The following TSEN2 variants were observed in gnomAD, a reference collection of about 807,000 sequenced individuals.
TSEN2 encodes tRNA-splicing endonuclease subunit Sen2.
Under a neutral mutation model 59.2 loss-of-function variants are expected in TSEN2, and 54 were observed. The observed-to-expected ratio is 0.91, with a 90% CI of 0.73 to 1.14. The LOEUF is 1.14. Among genes scored for constraint, TSEN2 ranks in the 50% most tolerant of loss-of-function variants. The probability of loss-of-function intolerance (pLI) is 0.00; values close to 1 mark genes in which losing one functional copy is unlikely to be tolerated. For synonymous variants in TSEN2, 195 were observed against 198.2 expected (o/e 0.98, Z 0.14); for missense variants, 636 against 576.2 (o/e 1.10, Z -1.06).
chr3:12,506,595 A>T, intron 6 of TSEN2: 1 of 652,268 alleles, frequency 1.5e-6, no homozygotes, highest in Non-Finnish European at 1.9e-6. Flanking sequence ...AAAAAAAAAA[A>T]GTGGCTAAAA....
Position 12,524,124 on chromosome 3 carries a change from G to C in TSEN2, c.1100-4764G>C, listed in dbSNP as rs955252901. Among the ~76,000 whole-genome samples, 3 of 151,972 alleles carry C rather than the reference G, an allele frequency of 2.0e-5. No homozygotes were observed. In the East Asian group the frequency reaches 5.8e-4, roughly 29 times the overall value. Reference sequence around the variant, plus strand: ...TTGGTTGTAATTTTTATAGAGATGGGGTCTTTCTGTGTTGCCCAAGCTGGG... The same window carrying C: ...TTGGTTGTAATTTTTATAGAGATGGCGTCTTTCTGTGTTGCCCAAGCTGGG... On this transcript the variant is annotated intron_variant, in intron 8 of 11. Transcript: ENST00000284995.
intron 6 of TSEN2, among the ~76,000 whole-genome samples, chr3:12,511,386 T>C (rs567154072): frequency 6.6e-6 from 1 of 152,246 alleles, no homozygotes; most frequent in Non-Finnish European, 1.5e-5. Flanking sequence ...AGATGGGATT[T>C]CAGGGTACAA....
chr3:12,537,609 C>T (rs2057704060), downstream of TSEN2, among the ~76,000 whole-genome samples: 1 of 152,140 alleles, frequency 6.6e-6, no homozygotes, highest in Non-Finnish European at 1.5e-5. Flanking sequence ...ATACTAGGTA[C>T]AGTTGGTCCC....
chr3:12,524,456 G>C (rs2056915651), intron 8 of TSEN2, among the ~76,000 whole-genome samples: 1 of 152,102 alleles, frequency 6.6e-6, no homozygotes, highest in African/African-American at 2.4e-5. Context: ...AGATTCTTGT[G>C]GCCCCAGGCG....
chr3:12,527,440 TTTC>T (rs1341737545), intron 8 of TSEN2, among the ~76,000 whole-genome samples: 2 of 151,778 alleles, frequency 1.3e-5, no homozygotes, highest in African/African-American at 2.4e-5. Flanking sequence ...TCCTTGAACT[TTTC>T]TTTTTTTTTT....
At chr3:12,538,137 G>A (rs778420786), downstream of TSEN2, among the ~76,000 whole-genome samples, 9 of 152,194 alleles carry the variant, frequency 5.9e-5, no homozygotes, top group Admixed American at 1.3e-4. Context: ...TCCCATTGAC[G>A]TTAACTGTGC....
intron 8 of TSEN2, among the ~76,000 whole-genome samples, chr3:12,525,835 G>A (rs1559356506): frequency 6.6e-6 from 1 of 151,866 alleles, no homozygotes; most frequent in Non-Finnish European, 1.5e-5. Context: ...AAAGTGCTGG[G>A]ATTACAGGTG....
At chr3:12,494,869 T>C (rs1319915686) in intron 3 of TSEN2, among the ~76,000 whole-genome samples, 2 of 151,440 alleles carry the variant, frequency 1.3e-5, no homozygotes, top group Non-Finnish European at 2.9e-5. Context: ...CTCACACCTG[T>C]AATCCCAGCA....
chr3:12,539,016 G>A, intron 10 of TSEN2: 2 of 348,912 alleles, frequency 5.7e-6, no homozygotes, highest in South Asian at 2.1e-5. Context: ...GGGCTCGTTT[G>A]TGCAAATAGA....
At chr3:12,496,990 T>C (rs1440586403) in intron 4 of TSEN2, among the ~76,000 whole-genome samples, 1 of 152,130 alleles carries the variant, frequency 6.6e-6, no homozygotes, top group African/African-American at 2.4e-5. Flanking sequence ...TCTCCCTGAC[T>C]CCCCAAACAC....
intron 4 of TSEN2, among the ~76,000 whole-genome samples, chr3:12,500,937 T>C (rs749417770): frequency 1.9e-4 from 29 of 152,244 alleles, no homozygotes; most frequent in Non-Finnish European, 3.1e-4. Flanking sequence ...ATTGACCCTT[T>C]AAATCAGTGG....
Position 12,516,680 on chromosome 3 carries a change from A to C in TSEN2, c.960+19A>C, listed in dbSNP as rs760750471. On this transcript the variant is annotated intron_variant, in intron 7 of 11. Coordinates refer to ENST00000284995, the MANE Select transcript of TSEN2 (RefSeq NM_025265.4). ...TGAGAAGGTAAGATGCTTTGTTTAC[A>C]TACAACCCACTTAAAATTTCCCTGT... 6.2e-7 allele frequency: 1 copy of C among 1,612,066 alleles called. No homozygotes were observed.
Position 12,529,828 on chromosome 3 carries a change from G to A in TSEN2, c.1203G>A (p.Trp401Ter). ...FEGSLRRPLS[W>*]KSLAALSRVS... ...GCTCTCTCCGCAGGCCTCTCAGTTG[G>A]AAGTCCCTGGCTGCCTTGAGCAGAG... The change falls in exon 10 of 12, where the codon TGG becomes TGA. Residue 401 changes from tryptophan to a stop codon, truncating the protein, a stop_gained. Transcript: ENST00000284995. LOFTEE classifies it high-confidence loss of function. 1 of 1,614,142 alleles carries A rather than the reference G, an allele frequency of 6.2e-7. No individual in the cohort carries two copies. Among genetic ancestry groups the A allele is most frequent in the Non-Finnish European group, 8.5e-7 (1 of 1,180,036 alleles).
At chr3:12,537,640 C>T (rs2057704911), downstream of TSEN2, among the ~76,000 whole-genome samples, 1 of 152,152 alleles carries the variant, frequency 6.6e-6, no homozygotes, top group Non-Finnish European at 1.5e-5. Context: ...CTGGGGTTGT[C>T]CTCTTGACCA....
downstream of TSEN2, among the ~76,000 whole-genome samples, chr3:12,534,969 A>G (rs1185657398): frequency 6.6e-6 from 1 of 152,064 alleles, no homozygotes; most frequent in Non-Finnish European, 1.5e-5. Context: ...GACTCCATTA[A>G]AAAACAAAAA....
chr3:12,481,142 C>G (rs1369670876), upstream of TSEN2, among the ~76,000 whole-genome samples: 1 of 152,170 alleles, frequency 6.6e-6, no homozygotes, highest in African/African-American at 2.4e-5. Flanking sequence ...AAACTTTTTT[C>G]TTAAGTATAT....
chr3:12,498,791 C>A (rs1251583602), intron 4 of TSEN2, among the ~76,000 whole-genome samples: 1 of 152,170 alleles, frequency 6.6e-6, no homozygotes, highest in Non-Finnish European at 1.5e-5. Context: ...ATACGTCCCC[C>A]AACCAAAACC....
At chr3:12,534,919 C>G (rs575041663), downstream of TSEN2, among the ~76,000 whole-genome samples, 2 of 151,660 alleles carry the variant, frequency 1.3e-5, no homozygotes, top group East Asian at 1.9e-4. Context: ...TGCAGAGAGC[C>G]GAGATCAAGC....
intron 11 of TSEN2, among the ~76,000 whole-genome samples, chr3:12,532,091 G>A (rs1275623762): frequency 6.6e-6 from 1 of 152,160 alleles, no homozygotes; most frequent in Non-Finnish European, 1.5e-5. Context: ...GTGTGTGTCC[G>A]TGTTTCTGCA....
Sources: gnomAD v4.1 joint callset for allele counts (sites outside exome capture counted in the v4.1 genomes callset) on GRCh38, gnomAD v4.1.1 for gene constraint, MANE v1.5 for transcripts, NCBI Gene and HGNC (gene_info 2026-07-23, HGNC 2026-07-21) for gene names.